IL34: variants seen among roughly 807,000 people sequenced by gnomAD.
IL34 encodes the protein interleukin-34.
A neutral mutation model predicts 25.3 loss-of-function variants in IL34; 17 were observed. That is an observed-to-expected ratio of 0.67 (90% confidence interval 0.46 to 1.01). IL34 has a LOEUF of 1.01. Among genes scored for constraint, IL34 ranks in the 50% least tolerant of loss-of-function variants. The probability of loss-of-function intolerance (pLI) is 0.00; values close to 1 mark genes in which losing one functional copy is unlikely to be tolerated. For synonymous variants in IL34, 174 were observed against 140.9 expected, an observed-to-expected ratio of 1.23 and a Z score of -1.66; for missense variants, 368 against 312.9, an observed-to-expected ratio of 1.18 and a Z score of -1.33.
intron 1 of IL34, among the ~76,000 whole-genome samples, chr16:70,615,886 G>A (rs1211436910): frequency 1.3e-5 from 2 of 152,142 alleles, no homozygotes; most frequent in African/African-American, 2.4e-5. Context: ...CCAGGCAGTG[G>A]AGGTTGTGGC....
chr16:70,654,943 C>T (rs1201919336), intron 2 of IL34, among the ~76,000 whole-genome samples: 1 of 152,218 alleles, frequency 6.6e-6, no homozygotes. Flanking sequence ...CAGGAATGGA[C>T]ACCTGGAGCT....
chr16:70,620,866 T>A (rs958858022), intron 1 of IL34, among the ~76,000 whole-genome samples: 3 of 151,956 alleles, frequency 2.0e-5, no homozygotes, highest in African/African-American at 7.3e-5. Flanking sequence ...GGTTTTAAGT[T>A]TTTGAGAACA....
At chr16:70,588,124 A>G (rs1287659236) in intron 1 of IL34, among the ~76,000 whole-genome samples, 1 of 152,168 alleles carries the variant, frequency 6.6e-6, no homozygotes, top group Non-Finnish European at 1.5e-5. Flanking sequence ...TAACTGGTGC[A>G]GCTGCTGTGG....
At chr16:70,614,330 T>C (rs1156228496) in intron 1 of IL34, among the ~76,000 whole-genome samples, 2 of 152,204 alleles carry the variant, frequency 1.3e-5, no homozygotes, top group Non-Finnish European at 2.9e-5. Flanking sequence ...AATGTGGTCC[T>C]TGCACCACCC....
intron 1 of IL34, among the ~76,000 whole-genome samples, chr16:70,635,904 G>A (rs1597764590): frequency 6.6e-6 from 1 of 152,070 alleles, no homozygotes; most frequent in South Asian, 2.1e-4. Flanking sequence ...GCCCTTTGAG[G>A]TCAGAATCTC....
intron 1 of IL34, among the ~76,000 whole-genome samples, chr16:70,594,694 T>C (rs572347285): frequency 1.2e-4 from 19 of 152,244 alleles, no homozygotes; most frequent in African/African-American, 4.1e-4. Flanking sequence ...ACTCTCTTCC[T>C]CTTCAAGAGC....
At chr16:70,653,479 G>A (rs144775738) in intron 1 of IL34, among the ~76,000 whole-genome samples, 1 of 152,030 alleles carries the variant, frequency 6.6e-6, no homozygotes, top group Non-Finnish European at 1.5e-5. Flanking sequence ...CAGGAGAATT[G>A]CTTGAGCTCA....
intron 1 of IL34, among the ~76,000 whole-genome samples, chr16:70,588,534 C>G (rs992753572): frequency 1.3e-5 from 2 of 151,948 alleles, no homozygotes; most frequent in Admixed American, 6.6e-5. Flanking sequence ...ACCATACAAT[C>G]CAGCAATCCC....
intron 1 of IL34, among the ~76,000 whole-genome samples, chr16:70,600,568 CT>C (rs1294296823): frequency 6.6e-6 from 1 of 152,216 alleles, no homozygotes; most frequent in Non-Finnish European, 1.5e-5. Context: ...TAACTTCCCC[CT>C]ATCTTAGCAT....
At position 70,622,747 on chromosome 16, in the gene IL34, G is replaced by A. The variant is rs568141679; in HGVS notation, c.-400-23801G>A. On this transcript the variant is annotated intron_variant, in intron 1 of 6. Transcript: ENST00000429149. ...AAGAGTGAGTACAGCTGAAGGAGCC[G>A]GGGAGCAGAAAGTATATGCTTCAGG... is the stretch of plus-strand genomic sequence containing the variant. 4.6e-5 allele frequency among the ~76,000 whole-genome samples: 7 copies of A among 152,122 alleles called. No individual in the cohort carries two copies. The South Asian group carries it at 1.5e-3, about 32-fold the overall frequency.
chr16:70,626,726 A>G (rs376560935), intron 1 of IL34, among the ~76,000 whole-genome samples: 2 of 151,980 alleles, frequency 1.3e-5, no homozygotes, highest in Non-Finnish European at 2.9e-5. Flanking sequence ...GTTTTCTTCT[A>G]TTATTTTATA....
chr16:70,619,553 A>C (rs1329636579), intron 1 of IL34, among the ~76,000 whole-genome samples: 4 of 151,934 alleles, frequency 2.6e-5, no homozygotes, highest in Admixed American at 6.6e-5. Flanking sequence ...GTCAATACCC[A>C]CAACAGTTAT....
At chr16:70,620,426 C>T (rs2051255886) in intron 1 of IL34, among the ~76,000 whole-genome samples, 2 of 147,666 alleles carry the variant, frequency 1.4e-5, no homozygotes, top group South Asian at 4.4e-4. Flanking sequence ...GTAAGCCCCA[C>T]CAGGTGTGAG....
At chr16:70,582,943 G>A (rs993066849) in intron 1 of IL34, among the ~76,000 whole-genome samples, 12 of 152,282 alleles carry the variant, frequency 7.9e-5, no homozygotes, top group African/African-American at 2.6e-4. Flanking sequence ...CCTGGAAGCC[G>A]AGTTGAGTTT....
intron 1 of IL34, among the ~76,000 whole-genome samples, chr16:70,587,176 G>A (rs527622301): frequency 6.6e-6 from 1 of 152,078 alleles, no homozygotes; most frequent in Non-Finnish European, 1.5e-5. Context: ...AATGCTGGAG[G>A]CCCTAGGGTG....
chr16:70,646,940 A>G lies in IL34; in HGVS notation c.-8A>G. On this transcript the variant is annotated 5_prime_UTR_variant, in exon 1 of 6. Transcript: ENST00000288098. ...GCCTGAGCTCTCAGGGGGACGAGGA[A>G]CACCACCATGCCCCGGGGCTTCACC... The G allele has an allele frequency of 6.8e-7, 1 of 1,477,902 alleles. No homozygotes were observed. The highest frequency in any genetic ancestry group is 2.9e-5 in the Admixed American group (1 of 34,858). The allele number at this position is 1,477,902 out of a possible 1,614,324, so 91.5% of individuals were successfully genotyped here.
intron 1 of IL34, among the ~76,000 whole-genome samples, chr16:70,590,021 CAGGTCTGTGGGAATACA>C (rs2050734753): frequency 6.6e-6 from 1 of 152,188 alleles, no homozygotes; most frequent in Non-Finnish European, 1.5e-5. Context: ...TTATTAGCCT[CAGGTCTGTGGGAATACA>C]AGGCTTTCTG....
upstream of IL34, among the ~76,000 whole-genome samples, chr16:70,641,606 C>G (rs1198763536): frequency 1.4e-5 from 2 of 146,924 alleles, no homozygotes; most frequent in Non-Finnish European, 3.0e-5. Flanking sequence ...CACTCTGTTG[C>G]CAAGGCTGGA....
chr16:70,609,808 G>A (rs1220531111), intron 1 of IL34, among the ~76,000 whole-genome samples: 2 of 152,232 alleles, frequency 1.3e-5, no homozygotes, highest in Non-Finnish European at 2.9e-5. Context: ...CATGGTCACT[G>A]TGCCTCTTGC....
Sources: allele counts gnomAD v4.1 joint callset (sites outside exome capture counted in the v4.1 genomes callset), GRCh38; gene constraint gnomAD v4.1.1; transcripts MANE v1.5; gene names NCBI Gene and HGNC (gene_info 2026-07-23, HGNC 2026-07-21).